Variants in LRP12 observed in about 807,000 individuals in gnomAD.
LRP12 encodes the protein low-density lipoprotein receptor-related protein 12.
A neutral mutation model predicts 66.0 loss-of-function variants in LRP12; 14 were observed. The observed-to-expected ratio is 0.21, with a 90% CI of 0.14 to 0.33. The LOEUF is 0.33. Among genes scored for constraint, LRP12 ranks in the 10% least tolerant of loss-of-function variants. The pLI, the probability that LRP12 is intolerant of heterozygous loss-of-function variation, is 1.00. For synonymous variants in LRP12, 357 were observed against 359.1 expected, an observed-to-expected ratio of 0.99 and a Z score of 0.07; for missense variants, 889 against 1,053.4, an observed-to-expected ratio of 0.84 and a Z score of 2.16.
intron 2 of LRP12, among the ~76,000 whole-genome samples, chr8:104,515,026 G>C (rs918499238): frequency 6.6e-6 from 1 of 152,172 alleles, no homozygotes; most frequent in African/African-American, 2.4e-5. Flanking sequence ...GAAAGAATGA[G>C]AAATTATGTC....
Position 104,490,297 on chromosome 8 carries a change from G to A in LRP12, c.*376C>T, listed in dbSNP as rs1284284943. On this transcript the variant is annotated 3_prime_UTR_variant, in exon 7 of 7. Coordinates refer to ENST00000276654, the MANE Select transcript of LRP12 (RefSeq NM_013437.5). ...AAGATGTGTTGGCAAAAGCATAAAC[G>A]TTTCAATTAAAATAAGGTATTATTT... 6.2e-6 allele frequency: 1 copy of A among 162,424 alleles called. No homozygotes were observed. The highest frequency in any genetic ancestry group is 2.4e-5 in the African/African-American group (1 of 41,452). The allele number at this position is 162,424 out of a possible 1,614,324, so 10.1% of individuals were successfully genotyped here.
intron 1 of LRP12, among the ~76,000 whole-genome samples, chr8:104,564,254 T>C (rs961899838): frequency 2.0e-5 from 3 of 152,136 alleles, no homozygotes; most frequent in Non-Finnish European, 4.4e-5. Flanking sequence ...TTCTCAAACC[T>C]GAATATCAAA....
intron 1 of LRP12, among the ~76,000 whole-genome samples, chr8:104,587,939 G>A (rs994872881): frequency 1.3e-5 from 2 of 152,218 alleles, no homozygotes; most frequent in Non-Finnish European, 2.9e-5. Context: ...GGTGAAGTCA[G>A]AAGTGTAACT....
chr8:104,493,547 G>A (rs748230826), intron 6 of LRP12, among the ~76,000 whole-genome samples: 17 of 152,214 alleles, frequency 1.1e-4, no homozygotes, highest in Non-Finnish European at 2.2e-4. Context: ...TGAAAGCAGT[G>A]TCTTTGCCTG....
chr8:104,497,096 G>A lies in LRP12; in HGVS notation c.1456C>T (p.Pro486Ser), dbSNP rs746275481. The change falls in exon 5 of 7, where the codon CCA (proline) becomes TCA (serine). Residue 486 changes from proline to serine, a missense_variant. This residue lies in a region of LRP12 where 800 missense variants were observed against 964.5 expected (regional missense o/e 0.83). Coordinates refer to ENST00000276654, the MANE Select transcript of LRP12 (RefSeq NM_013437.5). This position sits in a 1 kb window ranked among gnomAD's most constrained non-coding sequence, Gnocchi z 4.3. The stretch of plus-strand genomic sequence containing the variant: ...ATGACTCTTGTAGGCACGATTACTG[G>A]GCAATTTTCTTCATCGCTGCCATCA... ...CGDGSDEENC[P>S]VIVPTRVITA... is the part of the protein sequence containing the mutation. The A allele has an allele frequency of 6.2e-7, 1 of 1,613,554 alleles. No homozygotes were observed. The highest frequency in any genetic ancestry group is 1.7e-5 in the Admixed American group (1 of 59,976).
intron 2 of LRP12, among the ~76,000 whole-genome samples, chr8:104,515,040 A>G (rs1811056647): frequency 6.6e-6 from 1 of 152,176 alleles, no homozygotes; most frequent in African/African-American, 2.4e-5. Flanking sequence ...TTATGTCATG[A>G]TTAACTGGTT....
chr8:104,544,619 A>G (rs1811528923), intron 1 of LRP12, among the ~76,000 whole-genome samples: 1 of 152,198 alleles, frequency 6.6e-6, no homozygotes, highest in African/African-American at 2.4e-5. Flanking sequence ...GCCCTTAGGA[A>G]TTAAGCTAAA....
At position 104,527,988 on chromosome 8, in the gene LRP12, G is replaced by A. The variant is rs191981703; in HGVS notation, c.136+3919C>T. On this transcript the variant is annotated intron_variant, in intron 2 of 6. Coordinates refer to ENST00000276654, the MANE Select transcript of LRP12 (RefSeq NM_013437.5). ...ATCAGGTGCTTGATACATGTTAAAT[G>A]AATTGAATTCATTGCCAACAGGGTG... Among the ~76,000 whole-genome samples the A allele has an allele frequency of 3.3e-5, 5 of 152,252 alleles. No individual in the cohort carries two copies. The East Asian group carries it at 7.7e-4, about 24-fold the overall frequency.
At chr8:104,515,966 C>G (rs1811067210) in intron 2 of LRP12, among the ~76,000 whole-genome samples, 1 of 152,076 alleles carries the variant, frequency 6.6e-6, no homozygotes, top group Non-Finnish European at 1.5e-5. Flanking sequence ...GTTGCCCAGG[C>G]TGGTCTTGAA....
intron 2 of LRP12, among the ~76,000 whole-genome samples, chr8:104,514,590 C>T (rs1811051158): frequency 6.6e-6 from 1 of 150,658 alleles, no homozygotes; most frequent in Non-Finnish European, 1.5e-5. Flanking sequence ...TGGTGCGCAC[C>T]TGTAGTCCCA....
intron 1 of LRP12, among the ~76,000 whole-genome samples, chr8:104,582,445 A>G (rs2140901783): frequency 6.6e-6 from 1 of 152,328 alleles, no homozygotes; most frequent in South Asian, 2.1e-4. Context: ...CTTTTAATAC[A>G]TTCTTGCCTC....
At chr8:104,507,959 A>G (rs748429024) in intron 3 of LRP12, 3 of 152,236 alleles carry the variant, frequency 2.0e-5, no homozygotes, top group Non-Finnish European at 2.9e-5. Context: ...GGCTAAATGT[A>G]TAAGTCTTAT....
rs1491527255 is a variant in LRP12, at chr8:104,548,616, TAA to T, written c.80-16655_80-16654del. On this transcript the variant is annotated intron_variant, in intron 1 of 6. Coordinates refer to ENST00000276654, the MANE Select transcript of LRP12 (RefSeq NM_013437.5). ...ATAATATAGAATTATATAATTAAAT[TAA>T]TTATATAATTATTATATAATTAAAT... is the stretch of plus-strand genomic sequence containing the variant. 1.1e-3 allele frequency among the ~76,000 whole-genome samples: 121 copies of T among 112,102 alleles called. 7 individuals are homozygous for T. Among genetic ancestry groups the T allele is most frequent in the African/African-American group, 4.5e-3 (111 of 24,526 alleles). The allele number at this position is 112,102 out of a possible 152,430, so 73.5% of individuals were successfully genotyped here. A position where few individuals can be genotyped will look rare whatever the true frequency, so the allele number is the denominator to read the frequency against.
intron 1 of LRP12, among the ~76,000 whole-genome samples, chr8:104,572,956 AC>A (rs1227787599): frequency 6.6e-6 from 1 of 152,180 alleles, no homozygotes; most frequent in Admixed American, 6.5e-5. Flanking sequence ...TCTCTAACCC[AC>A]CCACACAAAG....
At chr8:104,541,152 C>A (rs776466393) in intron 1 of LRP12, among the ~76,000 whole-genome samples, 1 of 152,150 alleles carries the variant, frequency 6.6e-6, no homozygotes, top group African/African-American at 2.4e-5. Context: ...ATAATGACAA[C>A]GAACTACTAT....
intron 2 of LRP12, 144 bp downstream of exon 2, chr8:104,531,763 C>G: frequency 1.7e-6 from 1 of 575,842 alleles, no homozygotes. Context: ...TCTCCATGTT[C>G]CAGTTACTTC....
At chr8:104,528,141 GCAGA>G in intron 2 of LRP12, among the ~76,000 whole-genome samples, 1 of 152,254 alleles carries the variant, frequency 6.6e-6, no homozygotes, top group Non-Finnish European at 1.5e-5. Context: ...AACACTAGGT[GCAGA>G]CAATTAAAAT....
intron 2 of LRP12, among the ~76,000 whole-genome samples, chr8:104,521,011 C>G (rs1270772759): frequency 6.6e-6 from 1 of 152,036 alleles, no homozygotes; most frequent in Non-Finnish European, 1.5e-5. Context: ...CACAATACAA[C>G]CTGTTCTGTC....
chr8:104,497,525 C>A lies in LRP12; in HGVS notation c.1027G>T (p.Val343Phe), dbSNP rs1271045055. Reference protein sequence around the residue: ...TAFDSHAPLTVVSSSGQIRVH... With the variant: ...TAFDSHAPLTFVSSSGQIRVH... ...CTTATCTGTCCAGAAGAAGAAACAA[C>A]TGTAAGAGGTGCATGAGAATCAAAA... Residue 343 changes from valine (V) to phenylalanine (F), a missense_variant, in exon 5 of 7, where the codon GTT (valine) becomes TTT (phenylalanine). This residue lies in a region of LRP12 where 800 missense variants were observed against 964.5 expected (regional missense o/e 0.83). Transcript: ENST00000276654. This position sits in a 1 kb window ranked among gnomAD's most constrained non-coding sequence, Gnocchi z 4.3. 6.2e-7 allele frequency: 1 copy of A among 1,614,042 alleles called. No individual in the cohort carries two copies. The highest frequency in any genetic ancestry group is 1.7e-5 in the Admixed American group (1 of 60,004).
Sources: allele counts gnomAD v4.1 joint callset (sites outside exome capture counted in the v4.1 genomes callset), GRCh38; gene constraint gnomAD v4.1.1; regional missense constraint gnomAD v4.1.1; non-coding constraint Gnocchi (gnomAD v3.1); transcripts MANE v1.5; gene names NCBI Gene and HGNC (gene_info 2026-07-23, HGNC 2026-07-21).